Variants in ARHGEF10 observed in about 807,000 individuals in gnomAD.
The protein encoded by ARHGEF10 is Rho guanine nucleotide exchange factor (GEF) 10.
ARHGEF10 carries 140 observed loss-of-function variants against 147.4 expected under a neutral mutation model. The ratio of observed to expected loss-of-function variants is 0.95; its 90% CI spans 0.83 to 1.09. The LOEUF is 1.09. Ranked by LOEUF, ARHGEF10 falls within the 50% of genes least tolerant of loss-of-function variation. ARHGEF10 has a pLI of 0.00. For synonymous variants in ARHGEF10, 902 were observed against 695.8 expected (o/e 1.30, Z -4.67); for missense variants, 2,222 against 1,752.7 (o/e 1.27, Z -4.78).
At chr8:1,927,761 T>C (rs1330723276) in intron 23 of ARHGEF10, among the ~76,000 whole-genome samples, 1 of 152,102 alleles carries the variant, frequency 6.6e-6, no homozygotes, top group Non-Finnish European at 1.5e-5. Flanking sequence ...TTTCACATAG[T>C]GAAACCCCAT....
intron 25 of ARHGEF10, among the ~76,000 whole-genome samples, chr8:1,933,592 G>C (rs1813327298): frequency 6.6e-6 from 1 of 152,018 alleles, no homozygotes; most frequent in African/African-American, 2.4e-5. Flanking sequence ...GTGTCCCACA[G>C]CTGTCTGTGC....
At chr8:1,865,441 C>T (rs1347979361) in intron 5 of ARHGEF10, among the ~76,000 whole-genome samples, 4 of 151,558 alleles carry the variant, frequency 2.6e-5, no homozygotes, top group Non-Finnish European at 5.9e-5. Flanking sequence ...CCCAGGGGGC[C>T]ATCACCAGGG....
At chr8:1,910,372 G>A (rs1265976680) in intron 18 of ARHGEF10, among the ~76,000 whole-genome samples, 2 of 152,126 alleles carry the variant, frequency 1.3e-5, no homozygotes, top group Admixed American at 6.5e-5. Context: ...CTTTGGGACC[G>A]CTTTTATTTT....
intron 15 of ARHGEF10, among the ~76,000 whole-genome samples, chr8:1,900,056 T>C (rs373161878): frequency 6.6e-6 from 1 of 152,274 alleles, no homozygotes; most frequent in African/African-American, 2.4e-5. Context: ...ACACACGTTG[T>C]TGGCTTTCTA....
At chr8:1,910,178 C>T (rs940994298) in intron 18 of ARHGEF10, among the ~76,000 whole-genome samples, 1 of 152,006 alleles carries the variant, frequency 6.6e-6, no homozygotes, top group Non-Finnish European at 1.5e-5. Context: ...TTAAAAAACA[C>T]GATGCATGGG....
chr8:1,922,112 G>A (rs540903906), intron 18 of ARHGEF10, among the ~76,000 whole-genome samples: 2 of 152,028 alleles, frequency 1.3e-5, no homozygotes, highest in African/African-American at 2.4e-5. Flanking sequence ...TGGGCCCGTC[G>A]TGGGATTTAG....
At chr8:1,842,764 A>T (rs1030381617) in intron 1 of ARHGEF10, among the ~76,000 whole-genome samples, 2 of 152,150 alleles carry the variant, frequency 1.3e-5, no homozygotes, top group Non-Finnish European at 2.9e-5. Flanking sequence ...TCTAGCTCAC[A>T]CTCAAACTGG....
rs1264312575 is a variant in ARHGEF10 at position 1,905,785 on chromosome 8, A to G, written c.1967+69A>G. On this transcript the variant is annotated intron_variant, in intron 17 of 28. Coordinates refer to ENST00000349830, the MANE Select transcript of ARHGEF10 (RefSeq NM_014629.4). ...GTTACCTTTGCCTAAGGGCACATGC[A>G]TGACTTTGTTAATTCTGTCACTCAG... 2.5e-6 allele frequency: 4 copies of G among 1,584,000 alleles called. No individual in the cohort carries two copies. The African/African-American group carries it at 4.0e-5, about 16-fold the overall frequency.
intron 2 of ARHGEF10, among the ~76,000 whole-genome samples, chr8:1,854,586 G>A (rs114621432): frequency 2.5e-3 from 379 of 152,276 alleles, no homozygotes; most frequent in African/African-American, 8.6e-3. Flanking sequence ...GAGAGCTCTT[G>A]AATTCCAAGC....
At chr8:1,878,660 G>T (rs1156315615) in intron 8 of ARHGEF10, among the ~76,000 whole-genome samples, 1 of 152,116 alleles carries the variant, frequency 6.6e-6, no homozygotes, top group Non-Finnish European at 1.5e-5. Context: ...CGCCTTCATG[G>T]TGGGCTGTGG....
At chr8:1,844,648 G>A (rs979070645) in intron 2 of ARHGEF10, among the ~76,000 whole-genome samples, 14 of 152,166 alleles carry the variant, frequency 9.2e-5, no homozygotes, top group African/African-American at 3.4e-4. Context: ...CAGCTCCACT[G>A]CTTCTCTTCT....
chr8:1,908,982 C>T (rs1456806941), intron 17 of ARHGEF10, among the ~76,000 whole-genome samples: 1 of 152,190 alleles, frequency 6.6e-6, no homozygotes, highest in African/African-American at 2.4e-5. Context: ...GGTAATCGAG[C>T]ACCTTTGCTC....
chr8:1,907,655 T>C (rs532271493), intron 17 of ARHGEF10, among the ~76,000 whole-genome samples: 1 of 152,318 alleles, frequency 6.6e-6, no homozygotes, highest in Non-Finnish European at 1.5e-5. Flanking sequence ...TTAAAATGGA[T>C]ACTTTAAAAG....
In ARHGEF10 at chr8:1,956,844, G is replaced by A; in HGVS notation, c.3616G>A (p.Asp1206Asn). The A allele has an allele frequency of 6.2e-7, 1 of 1,614,052 alleles. No homozygotes were observed. The highest frequency in any genetic ancestry group is 8.5e-7 in the Non-Finnish European group (1 of 1,180,018). Reference sequence around the variant, plus strand: ...CGAGAAAGACAAGGACAAATCCAGGGACAGCCTGGCTCCTGGCCCCGAGCC... The same window carrying A: ...CGAGAAAGACAAGGACAAATCCAGGAACAGCCTGGCTCCTGGCCCCGAGCC... ...LHEKDKDKSR[D>N]SLAPGPEPQD... Residue 1206 changes from aspartate (D) to asparagine (N), a missense_variant, in exon 29 of 29, where the codon GAC (aspartate) becomes AAC (asparagine). Transcript: ENST00000349830.
chr8:1,920,751 T>C (rs746601086), intron 18 of ARHGEF10, among the ~76,000 whole-genome samples: 8 of 152,104 alleles, frequency 5.3e-5, no homozygotes, highest in Non-Finnish European at 1.2e-4. Flanking sequence ...AAAGTTGCGA[T>C]GTGTAACTAC....
intron 2 of ARHGEF10, among the ~76,000 whole-genome samples, chr8:1,847,895 T>TA (rs962046435): frequency 6.6e-6 from 1 of 152,222 alleles, no homozygotes; most frequent in Non-Finnish European, 1.5e-5. Flanking sequence ...TCTCTGATCT[T>TA]AAAAAATGAG....
chr8:1,907,491 C>G (rs958747695), intron 17 of ARHGEF10, among the ~76,000 whole-genome samples: 1 of 152,192 alleles, frequency 6.6e-6, no homozygotes, highest in Non-Finnish European at 1.5e-5. Flanking sequence ...TGAGTCTTTT[C>G]CGCATTCATC....
At chr8:1,854,592 C>G (rs1263979287) in intron 2 of ARHGEF10, among the ~76,000 whole-genome samples, 1 of 152,166 alleles carries the variant, frequency 6.6e-6, no homozygotes, top group Non-Finnish European at 1.5e-5. Context: ...TCTTGAATTC[C>G]AAGCCCCAAG....
chr8:1,836,134 T>C (rs990034727), intron 1 of ARHGEF10, among the ~76,000 whole-genome samples: 6 of 151,070 alleles, frequency 4.0e-5, no homozygotes, highest in East Asian at 3.9e-4. Flanking sequence ...TGAGCCGAGA[T>C]TGTGCTACTG....
Sources: allele counts gnomAD v4.1 joint callset (sites outside exome capture counted in the v4.1 genomes callset), GRCh38; gene constraint gnomAD v4.1.1; transcripts MANE v1.5; gene names NCBI Gene and HGNC (gene_info 2026-07-23, HGNC 2026-07-21).